The following SLC4A4 variants were observed in gnomAD, a reference collection of about 807,000 sequenced individuals.
SLC4A4 encodes the protein solute carrier family 4 member 4, also known as electrogenic sodium bicarbonate cotransporter 1.
SLC4A4 carries 27 observed loss-of-function variants against 111.5 expected under a neutral mutation model. The observed-to-expected ratio is 0.24, with a 90% confidence interval of 0.18 to 0.33. The LOEUF is 0.33. Among genes scored for constraint, SLC4A4 ranks in the 10% least tolerant of loss-of-function variants. The pLI, the probability that SLC4A4 is intolerant of heterozygous loss-of-function variation, is 1.00. For synonymous variants in SLC4A4, 443 were observed against 463.4 expected (o/e 0.96, Z 0.57); for missense variants, 909 against 1,315.5 (o/e 0.69, Z 4.78).
At chr4:71,098,371 T>C (rs1028018464) in intron 2 of SLC4A4, among the ~76,000 whole-genome samples, 2 of 152,188 alleles carry the variant, frequency 1.3e-5, no homozygotes, top group Non-Finnish European at 2.9e-5. Flanking sequence ...GTCTATTCTG[T>C]TCCATCAGTC....
At chr4:71,153,361 G>A (rs1744369067) in intron 2 of SLC4A4, among the ~76,000 whole-genome samples, 1 of 152,026 alleles carries the variant, frequency 6.6e-6, no homozygotes. Context: ...GACACACCCA[G>A]GATCAATACT....
At position 71,221,140 on chromosome 4, in the gene SLC4A4, C is replaced by T. The variant is rs138152990; in HGVS notation, c.-1-15436C>T. ...CATTAACGGGCATTTAGGTTGATTC[C>T]ATGTCTTTGCTATTGTGAATAGTGC... On this transcript the variant is annotated intron_variant, in intron 1 of 25. Coordinates refer to ENST00000264485, the MANE Select transcript of SLC4A4 (RefSeq NM_001098484.3). Among the ~76,000 whole-genome samples, 583 of 152,278 alleles carry T rather than the reference C, an allele frequency of 3.8e-3. 3 individuals carry two copies. Among genetic ancestry groups the T allele is most frequent in the African/African-American group, 0.013 (551 of 41,552 alleles).
intron 3 of SLC4A4, among the ~76,000 whole-genome samples, chr4:71,295,495 T>G (rs1252107777): frequency 6.6e-6 from 1 of 152,226 alleles, no homozygotes; most frequent in Non-Finnish European, 1.5e-5. Context: ...TTTTCATAAT[T>G]CTTCAAAATT....
chr4:71,421,506 T>C (rs1722501788), intron 7 of SLC4A4, among the ~76,000 whole-genome samples: 1 of 152,008 alleles, frequency 6.6e-6, no homozygotes, highest in Non-Finnish European at 1.5e-5. Flanking sequence ...TCTACAGAAC[T>C]CTCCACCCCA....
chr4:71,138,282 C>A (rs888525629), intron 2 of SLC4A4, among the ~76,000 whole-genome samples: 1 of 152,120 alleles, frequency 6.6e-6, no homozygotes, highest in Non-Finnish European at 1.5e-5. Context: ...CCTCACTAAT[C>A]AATTTTTTTT....
chr4:71,441,572 T>C (rs1324370154), intron 8 of SLC4A4, among the ~76,000 whole-genome samples: 1 of 152,122 alleles, frequency 6.6e-6, no homozygotes, highest in African/African-American at 2.4e-5. Context: ...CAGGTTCCTT[T>C]AGGTTTCCTC....
chr4:71,292,762 C>T (rs751167542), intron 3 of SLC4A4, among the ~76,000 whole-genome samples: 7 of 148,338 alleles, frequency 4.7e-5, no homozygotes, highest in Non-Finnish European at 5.9e-5. Context: ...TAGGTACAAA[C>T]GAAAGAGGAA....
intron 1 of SLC4A4, chr4:71,236,262 T>C: frequency 9.4e-7 from 1 of 1,065,462 alleles, no homozygotes; most frequent in Non-Finnish European, 1.1e-6. Flanking sequence ...CTTTCATCCT[T>C]TTTAAAAAGA....
intron 7 of SLC4A4, chr4:71,437,402 A>G (rs1724259698): frequency 3.3e-6 from 1 of 306,382 alleles, no homozygotes; most frequent in Non-Finnish European, 6.4e-6. Context: ...TGGGGATTGC[A>G]TCGGGTAATA....
At chr4:71,208,193 G>T (rs919287820) in intron 1 of SLC4A4, among the ~76,000 whole-genome samples, 2 of 152,150 alleles carry the variant, frequency 1.3e-5, no homozygotes, top group African/African-American at 4.8e-5. Flanking sequence ...CACTTTGGGA[G>T]GCCGAGGCAG....
At chr4:71,547,600 G>A in intron 19 of SLC4A4, 48 bp from the exon 20 acceptor site, 1 of 1,465,204 alleles carries the variant, frequency 6.8e-7, no homozygotes, top group Non-Finnish European at 9.6e-7. Flanking sequence ...ACAAGAGCAT[G>A]TTTATGAAGA....
Position 71,497,557 on chromosome 4 carries a change from C to T in SLC4A4, c.2031C>T (p.Tyr677=), listed in dbSNP as rs200126485. ...TGTCGAAGAAGGAGTGTTCAAAATA[C>T]GGAGGAAACCTCGTCGGGAACAACT... ...AFLSKKECSK[Y]GGNLVGNNCN... is the part of the protein sequence containing the mutation. The change falls in exon 16 of 26, where the codon TAC becomes TAT. Residue 677 remains tyrosine, a synonymous_variant. Transcript: ENST00000264485. 6.3e-5 allele frequency: 101 copies of T among 1,613,512 alleles called. No individual in the cohort carries two copies. The highest frequency in any genetic ancestry group is 3.3e-4 in the Middle Eastern group (2 of 6,058).
intron 16 of SLC4A4, among the ~76,000 whole-genome samples, chr4:71,499,735 ATC>A (rs1730737254): frequency 6.6e-6 from 1 of 151,956 alleles, no homozygotes; most frequent in Non-Finnish European, 1.5e-5. Context: ...ACATAATGTT[ATC>A]CAAATTATTG....
chr4:71,162,417 A>T (rs1289784942), intron 2 of SLC4A4, among the ~76,000 whole-genome samples: 1 of 152,198 alleles, frequency 6.6e-6, no homozygotes, highest in Non-Finnish European at 1.5e-5. Flanking sequence ...GGACAGTTAC[A>T]TCCTGTTTGA....
chr4:71,156,693 A>G lies in SLC4A4; in HGVS notation c.-2+63901A>G, dbSNP rs138159302. On this transcript the variant is annotated intron_variant, in intron 2 of 26. Transcript: ENST00000649996. ...TGTAACAGGGGATGAGGAAGAAAAA[A>G]AAAGATACATAACATAACAGCCCTT... Among the ~76,000 whole-genome samples, 14 of 152,166 alleles carry G rather than the reference A, an allele frequency of 9.2e-5. No homozygotes were observed. In the East Asian group the frequency reaches 2.7e-3, roughly 30 times the overall value.
chr4:71,342,998 C>T (rs1203962871), intron 4 of SLC4A4, among the ~76,000 whole-genome samples: 5 of 152,060 alleles, frequency 3.3e-5, no homozygotes, highest in Admixed American at 6.6e-5. Context: ...TAATTGCTGT[C>T]GATTAATTCA....
intron 14 of SLC4A4, among the ~76,000 whole-genome samples, chr4:71,473,707 A>G (rs1728093302): frequency 6.6e-6 from 1 of 151,912 alleles, no homozygotes; most frequent in Non-Finnish European, 1.5e-5. Context: ...TCACAAAAAA[A>G]TAAAAATAAA....
intron 3 of SLC4A4, among the ~76,000 whole-genome samples, chr4:71,271,222 G>T (rs1394344942): frequency 1.3e-5 from 2 of 152,170 alleles, no homozygotes; most frequent in Admixed American, 1.3e-4. Context: ...ATACATAAAT[G>T]ATTCTGAGGG....
chr4:71,122,219 A>T (rs921522060), intron 2 of SLC4A4, among the ~76,000 whole-genome samples: 1 of 151,636 alleles, frequency 6.6e-6, no homozygotes, highest in Non-Finnish European at 1.5e-5. Context: ...AGGCTGAGGC[A>T]GGAGAATTGC....
Sources: allele counts gnomAD v4.1 joint callset (sites outside exome capture counted in the v4.1 genomes callset), GRCh38; gene constraint gnomAD v4.1.1; transcripts MANE v1.5; gene names NCBI Gene and HGNC (gene_info 2026-07-23, HGNC 2026-07-21).